The following OR2T12 variants were observed in gnomAD, a reference collection of about 807,000 sequenced individuals.
The protein encoded by OR2T12 is olfactory receptor family 2 subfamily T member 12, also known as olfactory receptor 2T12.
For missense variants in OR2T12, 335 were observed against 404.3 expected (o/e 0.83, Z 1.47); for synonymous variants, 127 against 160.5 (o/e 0.79, Z 1.58).
rs1004814317 is a variant in OR2T12 at position 248,294,705 on chromosome 1, T to C, written c.874A>G (p.Asn292Asp). The C allele has an allele frequency of 1.2e-6, 2 of 1,614,030 alleles. No individual in the cohort carries two copies. The highest frequency in any genetic ancestry group is 1.7e-6 in the Non-Finnish European group (2 of 1,180,040). ...TTCAGGGCTTCCTTGACCTCACTGTTCCTCACACTGTAGATGAGGGGATTT... is the reference window on the plus strand; with the variant it reads ...TTCAGGGCTTCCTTGACCTCACTGTCCCTCACACTGTAGATGAGGGGATTT... ...LLNPLIYSVR[N>D]SEVKEALKRW... Residue 292 changes from asparagine (N) to aspartate (D), a missense_variant, in exon 3 of 3, where the codon AAC becomes GAC. Coordinates refer to ENST00000641276, the MANE Select transcript of OR2T12 (RefSeq NM_001004692.2).
At chr1:248,302,865 G>A (rs908701379) in intron 1 of OR2T12, among the ~76,000 whole-genome samples, 8 of 152,130 alleles carry the variant, frequency 5.3e-5, no homozygotes, top group African/African-American at 1.4e-4. Context: ...GAAAGTCTGT[G>A]TACACTGAAC....
At position 248,295,325 on chromosome 1, in the gene OR2T12, G is replaced by A. The variant is rs774848025; in HGVS notation, c.254C>T (p.Thr85Ile). Residue 85 changes from threonine (T) to isoleucine (I), a missense_variant, in exon 3 of 3, where the codon ACC becomes ATC. By Grantham distance (89) the Thr-to-Ile change is moderately conservative. Coordinates refer to ENST00000641276, the MANE Select transcript of OR2T12 (RefSeq NM_001004692.2). ...AGCGCGGGAGATGGCCTTATTTCCGGTCAAGTAGTCAGCCGCCATTTTGGG... is the reference window on the plus strand; with the variant it reads ...AGCGCGGGAGATGGCCTTATTTCCGATCAAGTAGTCAGCCGCCATTTTGGG... Reference protein sequence around the residue: ...TVPKMAADYLTGNKAISRAGC... With the variant: ...TVPKMAADYLIGNKAISRAGC... 4 of 1,608,994 alleles carry A rather than the reference G, an allele frequency of 2.5e-6. No homozygotes were observed. Among genetic ancestry groups the A allele is most frequent in the Admixed American group, 1.7e-5 (1 of 59,684 alleles).
intron 2 of OR2T12, among the ~76,000 whole-genome samples, chr1:248,296,405 T>C (rs757358083): frequency 6.6e-6 from 1 of 152,206 alleles, no homozygotes; most frequent in African/African-American, 2.4e-5. Context: ...GTATTTCTAG[T>C]TCTAGATCCC....
intron 2 of OR2T12, among the ~76,000 whole-genome samples, chr1:248,295,805 C>G (rs1558277164): frequency 6.6e-6 from 1 of 152,076 alleles, no homozygotes; most frequent in Non-Finnish European, 1.5e-5. Flanking sequence ...GTACTACAAA[C>G]AGGAGTATAT....
At position 248,291,011 on chromosome 1, in the gene OR2T12, T is replaced by TC. The variant is rs1659625038; in HGVS notation, c.*3604_*3605insG. 4.0e-5 allele frequency: 6 copies of TC among 151,784 alleles called. No individual in the cohort carries two copies. In the South Asian group the frequency reaches 1.2e-3, roughly 32 times the overall value. The allele number at this position is 151,784 out of a possible 1,614,324, so 9.4% of individuals were successfully genotyped here. A position where few individuals can be genotyped will look rare whatever the true frequency, so the allele number is the denominator to read the frequency against. ...CCCACTTTTTGATGGGGTTGTTTTT[T>TC]TTTTCTTATAAATATGTTTAAGTTC... On this transcript the variant is annotated 3_prime_UTR_variant, in exon 3 of 3. Coordinates refer to ENST00000641276, the MANE Select transcript of OR2T12 (RefSeq NM_001004692.2).
intron 2 of OR2T12, among the ~76,000 whole-genome samples, chr1:248,300,829 G>A (rs533426372): frequency 1.3e-5 from 2 of 152,110 alleles, no homozygotes; most frequent in African/African-American, 4.8e-5. Context: ...TTCTCCCTAT[G>A]CTTCTTTTTC....
At chr1:248,295,948 C>A (rs1452469951) in intron 2 of OR2T12, among the ~76,000 whole-genome samples, 2 of 151,986 alleles carry the variant, frequency 1.3e-5, no homozygotes, top group Non-Finnish European at 2.9e-5. Context: ...TGGTGCGCTG[C>A]ACCCACTAAC....
chr1:248,296,104 G>A (rs1000198409), intron 2 of OR2T12, among the ~76,000 whole-genome samples: 4 of 151,260 alleles, frequency 2.6e-5, no homozygotes, highest in Non-Finnish European at 5.9e-5. Flanking sequence ...AATACCCGGT[G>A]TTTGGTTTTT....
At chr1:248,296,935 A>G (rs1659737125) in intron 2 of OR2T12, among the ~76,000 whole-genome samples, 1 of 152,158 alleles carries the variant, frequency 6.6e-6, no homozygotes, top group Non-Finnish European at 1.5e-5. Flanking sequence ...GCCCGTGCCT[A>G]TGTCCTCAAT....
At position 248,294,458 on chromosome 1, in the gene OR2T12, T is replaced by A; in HGVS notation, c.*158A>T. The A allele has an allele frequency of 1.1e-6, 1 of 920,924 alleles. No homozygotes were observed. The highest frequency in any genetic ancestry group is 1.6e-6 in the Non-Finnish European group (1 of 616,720). The allele number at this position is 920,924 out of a possible 1,614,324, so 57.0% of individuals were successfully genotyped here. Reference sequence around the variant, plus strand: ...AGAAAAGTACATAAATGCTCAAAAATGGTATCTGTCAATACAATTGGCTCA... The same window carrying A: ...AGAAAAGTACATAAATGCTCAAAAAAGGTATCTGTCAATACAATTGGCTCA... On this transcript the variant is annotated 3_prime_UTR_variant, in exon 3 of 3. Coordinates refer to ENST00000641276, the MANE Select transcript of OR2T12 (RefSeq NM_001004692.2).
At chr1:248,302,388 A>G (rs534057073) in intron 1 of OR2T12, among the ~76,000 whole-genome samples, 1 of 152,174 alleles carries the variant, frequency 6.6e-6, no homozygotes, top group South Asian at 2.1e-4. Flanking sequence ...ACATATATAC[A>G]TAAATCTATT....
At chr1:248,295,685 T>C in intron 2 of OR2T12, 99 bp from the exon 3 acceptor site, 1 of 1,463,378 alleles carries the variant, frequency 6.8e-7, no homozygotes, top group South Asian at 1.4e-5. Flanking sequence ...GTACTGGATA[T>C]GTTATCCCAG....
In OR2T12 at chr1:248,294,734, A is replaced by T. The variant is rs1386921288; in HGVS notation, c.845T>A (p.Leu282Ter). ...CACACTGTAGATGAGGGGATTTAGT[A>T]AAGGGGTGAACATAGTATAGAAGGC... ...VSAFYTMFTP[L>*]LNPLIYSVRN... Residue 282 changes from leucine to a stop codon, truncating the protein, a stop_gained, in exon 3 of 3, where the codon TTA becomes TAA. Coordinates refer to ENST00000641276, the MANE Select transcript of OR2T12 (RefSeq NM_001004692.2). LOFTEE classifies it low-confidence loss of function (END_TRUNC). 3.1e-6 allele frequency: 5 copies of T among 1,613,970 alleles called. No individual in the cohort carries two copies. The East Asian group carries it at 1.1e-4, about 36-fold the overall frequency.
intron 2 of OR2T12, among the ~76,000 whole-genome samples, chr1:248,299,972 G>T (rs1418507041): frequency 6.6e-6 from 1 of 152,126 alleles, no homozygotes; most frequent in East Asian, 1.9e-4. Context: ...AAATAAAGAT[G>T]TTCTTTGAAA....
At chr1:248,295,982 C>A (rs1463148361) in intron 2 of OR2T12, among the ~76,000 whole-genome samples, 1 of 151,714 alleles carries the variant, frequency 6.6e-6, no homozygotes, top group Non-Finnish European at 1.5e-5. Flanking sequence ...TTAGGTGTAT[C>A]TCCCAGTGCT....
chr1:248,291,396 C>A lies in OR2T12; in HGVS notation c.*3220G>T, dbSNP rs1215487264. The A allele has an allele frequency of 2.6e-5, 4 of 151,918 alleles. No individual in the cohort carries two copies. The highest frequency in any genetic ancestry group is 4.4e-5 in the Non-Finnish European group (3 of 68,006). The allele number at this position is 151,918 out of a possible 1,614,324, so 9.4% of individuals were successfully genotyped here. ...ACAACTTATAAAGGATATGAAGGAC[C>A]TCTTCAAGGAGAACTACAAACCACT... is the stretch of plus-strand genomic sequence containing the variant. On this transcript the variant is annotated 3_prime_UTR_variant, in exon 3 of 3. Coordinates refer to ENST00000641276, the MANE Select transcript of OR2T12 (RefSeq NM_001004692.2).
chr1:248,295,860 T>G (rs1659717956), intron 2 of OR2T12, among the ~76,000 whole-genome samples: 1 of 152,192 alleles, frequency 6.6e-6, no homozygotes, highest in African/African-American at 2.4e-5. Flanking sequence ...GTTTTGTTAT[T>G]TTTTTAATTA....
chr1:248,292,199 T>TA lies in OR2T12; in HGVS notation c.*2416dup, dbSNP rs1315834513. 1 of 152,086 alleles carries TA rather than the reference T, an allele frequency of 6.6e-6. No homozygotes were observed. The highest frequency in any genetic ancestry group is 2.4e-5 in the African/African-American group (1 of 41,436). The allele number at this position is 152,086 out of a possible 1,614,324, so 9.4% of individuals were successfully genotyped here. A position where few individuals can be genotyped will look rare whatever the true frequency, so the allele number is the denominator to read the frequency against. On this transcript the variant is annotated 3_prime_UTR_variant, in exon 3 of 3. Coordinates refer to ENST00000641276, the MANE Select transcript of OR2T12 (RefSeq NM_001004692.2). Reference sequence around the variant, plus strand: ...CATTAAAGAGAATATATAGGCAGTGTAAAGGAAAGAGCCAGAATGATTGAA... The same window carrying TA: ...CATTAAAGAGAATATATAGGCAGTGTAAAAGGAAAGAGCCAGAATGATTGAA...
At position 248,294,379 on chromosome 1, in the gene OR2T12, T is replaced by C. The variant is rs74706572; in HGVS notation, c.*237A>G. ...TTGCAAAAGAAAAAAAGAAAACTTATATCATGGGGTTGTTGTAGGATACAA... is the reference window on the plus strand; with the variant it reads ...TTGCAAAAGAAAAAAAGAAAACTTACATCATGGGGTTGTTGTAGGATACAA... On this transcript the variant is annotated 3_prime_UTR_variant, in exon 3 of 3. Coordinates refer to ENST00000641276, the MANE Select transcript of OR2T12 (RefSeq NM_001004692.2). The C allele has an allele frequency of 8.7e-3, 3,722 of 426,876 alleles. 103 individuals carry two copies. The highest frequency in any genetic ancestry group is 0.067 in the African/African-American group (3,345 of 49,814). The allele number at this position is 426,876 out of a possible 1,614,324, so 26.4% of individuals were successfully genotyped here.
Sources: gnomAD v4.1 joint callset for allele counts (sites outside exome capture counted in the v4.1 genomes callset) on GRCh38, gnomAD v4.1.1 for gene constraint, MANE v1.5 for transcripts, NCBI Gene and HGNC (gene_info 2026-07-23, HGNC 2026-07-21) for gene names.